SPACA6: variants seen among roughly 807,000 people sequenced by gnomAD.
SPACA6 encodes sperm acrosome membrane-associated protein 6.
For synonymous variants in SPACA6, 6 were observed against 1.5 expected, an observed-to-expected ratio of 4.05 and a Z score of -2.21; for missense variants, 8 against 2.8, an observed-to-expected ratio of 2.88 and a Z score of -1.34.
upstream of SPACA6, among the ~76,000 whole-genome samples, chr19:51,690,294 C>T (rs982799926): frequency 6.6e-6 from 1 of 151,988 alleles, no homozygotes; most frequent in Non-Finnish European, 1.5e-5. Context: ...CACACTCCAG[C>T]CCCTAACTCC....
upstream of SPACA6, among the ~76,000 whole-genome samples, chr19:51,689,779 A>G (rs2083353811): frequency 6.6e-6 from 1 of 150,910 alleles, no homozygotes; most frequent in East Asian, 2.0e-4. Context: ...CAGAATCTGG[A>G]GAAGGCTGGG....
intron 2 of SPACA6, 83 bp from the exon 3 acceptor site, chr19:51,701,575 G>A (rs1189491633): frequency 1.0e-5 from 4 of 396,504 alleles, no homozygotes; most frequent in African/African-American, 8.2e-5. Flanking sequence ...GCCCTAGCCA[G>A]GCTAGATCAG....
chr19:51,683,910 C>T, the SPACA6 span, among the ~76,000 whole-genome samples: 139,101 of 152,292 alleles, frequency 0.91, 63,671 homozygotes, highest in East Asian at 1. Flanking sequence ...ATCACCTTGG[C>T]ATATGTAGTA....
At chr19:51,692,978 C>G (rs1292663902), upstream of SPACA6, 6 of 424,850 alleles carry the variant, frequency 1.4e-5, no homozygotes, top group Non-Finnish European at 9.6e-6. The surrounding 1 kb of genome is among the most constrained non-coding windows in gnomAD (Gnocchi z 5.6). Context: ...TCTTTTCTGT[C>G]CTTGTCCCTG....
intron 2 of SPACA6, among the ~76,000 whole-genome samples, chr19:51,695,334 C>G (rs1435287047): frequency 2.0e-5 from 3 of 152,170 alleles, no homozygotes; most frequent in African/African-American, 7.2e-5. Flanking sequence ...TGGCCATGAT[C>G]CCCACGAGGT....
chr19:51,700,345 A>G (rs1243751168), intron 2 of SPACA6, among the ~76,000 whole-genome samples: 1 of 152,208 alleles, frequency 6.6e-6, no homozygotes, highest in African/African-American at 2.4e-5. Context: ...ACTATGGAGA[A>G]GTGGCCGGTG....
At position 51,693,359 on chromosome 19, in the gene SPACA6, T is replaced by G. The variant is rs1476112482; in HGVS notation, c.-168T>G. 1 of 730,534 alleles carries G rather than the reference T, an allele frequency of 1.4e-6. No individual in the cohort carries two copies. The highest frequency in any genetic ancestry group is 2.6e-6 in the Non-Finnish European group (1 of 387,556). 45.3% of individuals were successfully genotyped at this position (730,534 alleles called of 1,614,324 possible). ...CTGGCCCAACCACACACCTGGGGAATTGCTGGCCTGACTTCTGACCCCTGA... is the reference window on the plus strand; with the variant it reads ...CTGGCCCAACCACACACCTGGGGAAGTGCTGGCCTGACTTCTGACCCCTGA... On this transcript the variant is annotated 5_prime_UTR_variant, in exon 1 of 9. Coordinates refer to ENST00000637797, the MANE Select transcript of SPACA6 (RefSeq NM_001316972.2).
upstream of SPACA6, among the ~76,000 whole-genome samples, chr19:51,688,818 A>C (rs998098834): frequency 6.6e-6 from 1 of 151,942 alleles, no homozygotes; most frequent in African/African-American, 2.4e-5. Context: ...GTGCAGAGAC[A>C]GAAGGGAGGA....
intron 4 of SPACA6, 121 bp from the exon 5 acceptor site, chr19:51,702,900 G>A: frequency 2.5e-6 from 1 of 399,040 alleles, no homozygotes; most frequent in East Asian, 3.6e-5. Context: ...CAGCAGGGAG[G>A]GCGGGGTCAA....
chr19:51,695,517 A>G (rs915278324), intron 2 of SPACA6, among the ~76,000 whole-genome samples: 1 of 152,206 alleles, frequency 6.6e-6, no homozygotes, highest in African/African-American at 2.4e-5. Context: ...ATCCCGGAAG[A>G]GGGAAGGTTC....
upstream of SPACA6, among the ~76,000 whole-genome samples, chr19:51,692,052 G>A (rs1000530929): frequency 8.6e-5 from 13 of 152,026 alleles, no homozygotes; most frequent in African/African-American, 3.1e-4. This position sits in a 1 kb window ranked among gnomAD's most constrained non-coding sequence, Gnocchi z 5.6. Flanking sequence ...GGGAGATTGT[G>A]GCTGTCATAG....
intron 4 of SPACA6, 30 bp downstream of exon 4, chr19:51,702,682 GC>G (rs1216387045): frequency 2.5e-6 from 1 of 399,232 alleles, no homozygotes. Context: ...CTTGGAAATT[GC>G]GGGGTAAGGG....
upstream of SPACA6, chr19:51,689,379 CGCAGAGCCGGGG>C (rs1000530637): frequency 6.9e-6 from 1 of 145,360 alleles, no homozygotes; most frequent in African/African-American, 2.6e-5. Flanking sequence ...AGCCCCGGAC[CGCAGAGCCGGGG>C]AGGAGGTGAC....
chr19:51,693,453 C>A lies in SPACA6; in HGVS notation c.-74C>A, dbSNP rs1600134183. 1.7e-6 allele frequency: 1 copy of A among 572,498 alleles called. No homozygotes were observed. Among genetic ancestry groups the A allele is most frequent in the South Asian group, 2.2e-5 (1 of 45,190 alleles). 35.5% of individuals were successfully genotyped at this position (572,498 alleles called of 1,614,324 possible). ...TGAAACCTGACCTCTGACCCCAGACCACTGGCCCTTCCCCCGCCCTGTGGT... is the reference window on the plus strand; with the variant it reads ...TGAAACCTGACCTCTGACCCCAGACAACTGGCCCTTCCCCCGCCCTGTGGT... On this transcript the variant is annotated 5_prime_UTR_variant, in exon 1 of 9. Coordinates refer to ENST00000637797, the MANE Select transcript of SPACA6 (RefSeq NM_001316972.2).
chr19:51,686,458 G>T (rs1003499785), upstream of SPACA6: 4 of 152,192 alleles, frequency 2.6e-5, no homozygotes, highest in African/African-American at 7.2e-5. Flanking sequence ...TGTGGTGCCT[G>T]TCCTGATCTG....
chr19:51,692,728 CCCTGGTCCT>C (rs1182337886), upstream of SPACA6: 1 of 534,234 alleles, frequency 1.9e-6, no homozygotes, highest in African/African-American at 1.9e-5. This position sits in a 1 kb window ranked among gnomAD's most constrained non-coding sequence, Gnocchi z 5.6. Context: ...TCCCCCTCAT[CCCTGGTCCT>C]CCTGGTCCCT....
chr19:51,710,645 C>G (rs2083537388), intron 2 of SPACA6, among the ~76,000 whole-genome samples: 1 of 152,150 alleles, frequency 6.6e-6, no homozygotes, highest in Admixed American at 6.5e-5. Context: ...AGTCCCGTCT[C>G]CATACATGGA....
chr19:51,682,788 T>C, the SPACA6 span, among the ~76,000 whole-genome samples: 10 of 152,294 alleles, frequency 6.6e-5, no homozygotes, highest in Non-Finnish European at 1.5e-4. Flanking sequence ...ATGCCTGTAA[T>C]CCCAGTACTT....
At chr19:51,700,111 G>A (rs986501464) in intron 2 of SPACA6, among the ~76,000 whole-genome samples, 23 of 152,178 alleles carry the variant, frequency 1.5e-4, no homozygotes, top group African/African-American at 5.3e-4. Context: ...AAAATTCGCC[G>A]AGCATGGTGG....
Sources: allele counts gnomAD v4.1 joint callset (sites outside exome capture counted in the v4.1 genomes callset), GRCh38; gene constraint gnomAD v4.1.1; non-coding constraint Gnocchi (gnomAD v3.1); transcripts MANE v1.5; gene names NCBI Gene and HGNC (gene_info 2026-07-23, HGNC 2026-07-21).